Variants in MYH14 observed in about 807,000 individuals in gnomAD.
MYH14 encodes myosin heavy chain 14.
Under a neutral mutation model 255.5 loss-of-function variants are expected in MYH14, and 123 were observed. That is an observed-to-expected ratio of 0.48 (90% CI 0.42 to 0.56). MYH14 has a LOEUF of 0.56. MYH14 is among the 20% of genes least tolerant of loss of function. The pLI is 0.00. For missense variants in MYH14, 2,423 were observed against 2,802.3 expected, an observed-to-expected ratio of 0.86 and a Z score of 3.06; for synonymous variants, 1,095 against 1,161.2, an observed-to-expected ratio of 0.94 and a Z score of 1.16.
At chr19:50,249,965 C>G in intron 14 of MYH14, 142 bp downstream of exon 14, 2 of 1,045,914 alleles carry the variant, frequency 1.9e-6, no homozygotes, top group Non-Finnish European at 2.8e-6. Flanking sequence ...GCACCTGCTT[C>G]CTCGATCTTT....
intron 39 of MYH14, among the ~76,000 whole-genome samples, chr19:50,299,541 A>G (rs1358666723): frequency 7.5e-6 from 1 of 133,426 alleles, no homozygotes; most frequent in Non-Finnish European, 1.5e-5. Flanking sequence ...ACTGCACTCC[A>G]GCCTTGGTGA....
intron 10 of MYH14, among the ~76,000 whole-genome samples, chr19:50,243,920 C>G (rs1459166409): frequency 2.6e-5 from 4 of 152,028 alleles, no homozygotes; most frequent in Non-Finnish European, 5.9e-5. Flanking sequence ...ATAAACTCAA[C>G]CGGAATTCAC....
rs659773 is a variant in MYH14, at chr19:50,292,622, T to G, written c.5256+233T>G. Reference sequence around the variant, plus strand: ...GTGTAAGGCTCGGGAGGTGGGTGTGTCTTACCATGTGGCCTGCAATGCCAG... The same window carrying G: ...GTGTAAGGCTCGGGAGGTGGGTGTGGCTTACCATGTGGCCTGCAATGCCAG... On this transcript the variant is annotated intron_variant, in intron 37 of 42. Transcript: ENST00000642316. 0.19 allele frequency among the ~76,000 whole-genome samples: 26,622 copies of G among 143,654 alleles called. 3,185 individuals carry two copies. Among genetic ancestry groups the G allele is most frequent in the East Asian group, 0.36 (1,655 of 4,636 alleles). 94.2% of individuals were successfully genotyped at this position (143,654 alleles called of 152,430 possible).
intron 3 of MYH14, among the ~76,000 whole-genome samples, chr19:50,222,574 T>C (rs2032889731): frequency 6.6e-6 from 1 of 151,902 alleles, no homozygotes; most frequent in South Asian, 2.1e-4. Context: ...TAGGTTTCTG[T>C]CCCCTACATC....
chr19:50,271,952 C>T lies in MYH14; in HGVS notation c.3275C>T (p.Ala1092Val), dbSNP rs1204950002. The stretch of plus-strand genomic sequence containing the variant: ...AATAAGCTACGGCTCAAATATGAGG[C>T]CACAATCGCAGACATGGAGGGTGAG... ...SLNKLRLKYE[A>V]TIADMEDRLR... The change falls in exon 26 of 43, where the codon GCC (alanine) becomes GTC (valine). Residue 1092 changes from alanine (A) to valine (V), a missense_variant. Transcript: ENST00000642316. 5.6e-6 allele frequency: 9 copies of T among 1,610,392 alleles called. No homozygotes were observed. The highest frequency in any genetic ancestry group is 1.7e-5 in the Admixed American group (1 of 59,596).
At chr19:50,259,841 G>A (rs2034756693) in intron 19 of MYH14, among the ~76,000 whole-genome samples, 1 of 152,126 alleles carries the variant, frequency 6.6e-6, no homozygotes, top group Admixed American at 6.6e-5. Context: ...TTGCGCCATT[G>A]CACTCCAGCC....
At chr19:50,302,916 A>AT (rs1011514985) in intron 40 of MYH14, among the ~76,000 whole-genome samples, 1 of 152,154 alleles carries the variant, frequency 6.6e-6, no homozygotes, top group African/African-American at 2.4e-5. Flanking sequence ...AGAAAAAAAA[A>AT]GAAAAAGAAA....
intron 40 of MYH14, among the ~76,000 whole-genome samples, chr19:50,306,003 G>C (rs113422895): frequency 0.012 from 1,756 of 152,258 alleles, 36 homozygotes; most frequent in African/African-American, 0.039. Context: ...TCTCAGCCGG[G>C]CGCAGTGGCT....
chr19:50,220,250 G>A (rs1292380061), intron 3 of MYH14, among the ~76,000 whole-genome samples: 2 of 151,366 alleles, frequency 1.3e-5, no homozygotes, highest in Non-Finnish European at 2.9e-5. Context: ...TATTGAATAT[G>A]CATATTAAAT....
chr19:50,296,779 C>T (rs2036281496), intron 39 of MYH14, among the ~76,000 whole-genome samples: 1 of 152,210 alleles, frequency 6.6e-6, no homozygotes, highest in South Asian at 2.1e-4. Context: ...CGTGAAGAGC[C>T]TCGCGCTGGC....
chr19:50,293,698 T>C lies in MYH14; in HGVS notation c.5469+11T>C, dbSNP rs1355230285. On this transcript the variant is annotated intron_variant, in intron 39 of 42. Transcript: ENST00000642316. The surrounding 1 kb of genome is among the most constrained non-coding windows in gnomAD (Gnocchi z 4.1). The stretch of plus-strand genomic sequence containing the variant: ...AAGCTGCTCCTGCAGGTGAGCGTGA[T>C]TGACCGCCCCCACCAGCCTCAGTCC... The C allele has an allele frequency of 7.7e-6, 12 of 1,557,078 alleles. No homozygotes were observed. The highest frequency in any genetic ancestry group is 5.4e-5 in the African/African-American group (4 of 73,536).
chr19:50,273,601 G>GTGTGTGTGTGTGTGTGTGT (rs1555772397), intron 27 of MYH14, among the ~76,000 whole-genome samples: 296 of 137,568 alleles, frequency 2.2e-3, no homozygotes, highest in Middle Eastern at 3.8e-3. Context: ...GAACATGGGG[G>GTGTGTGTGTGTGTGTGTGT]GTGTGTGTGT....
intron 14 of MYH14, 112 bp downstream of exon 14, chr19:50,249,935 G>T (rs539674394): frequency 7.5e-7 from 1 of 1,333,970 alleles, no homozygotes; most frequent in South Asian, 1.3e-5. Flanking sequence ...TGCCCCATGG[G>T]TTCTGTGGGG....
At position 50,210,911 on chromosome 19, in the gene MYH14, A is replaced by G. The variant is rs1303877638; in HGVS notation, c.405+141A>G. The G allele has an allele frequency of 2.9e-6, 4 of 1,385,482 alleles. No individual in the cohort carries two copies. In the East Asian group the frequency reaches 1.1e-4, roughly 38 times the overall value. The allele number at this position is 1,385,482 out of a possible 1,614,324, so 85.8% of individuals were successfully genotyped here. On this transcript the variant is annotated intron_variant, in intron 2 of 42. Coordinates refer to ENST00000642316, the MANE Select transcript of MYH14 (RefSeq NM_001145809.2). Reference sequence around the variant, plus strand: ...GTCCCGTGACTGTTCCTACACTTACATGGTTGCCAAATTATGAATTGTTGG... The same window carrying G: ...GTCCCGTGACTGTTCCTACACTTACGTGGTTGCCAAATTATGAATTGTTGG...
chr19:50,212,746 G>A (rs2032265210), intron 2 of MYH14, among the ~76,000 whole-genome samples: 1 of 152,138 alleles, frequency 6.6e-6, no homozygotes, highest in East Asian at 1.9e-4. Context: ...AGCTTGTGGT[G>A]GCAGGTGTGG....
At position 50,217,746 on chromosome 19, in the gene MYH14, G is replaced by C; in HGVS notation, c.537G>C (p.Glu179Asp). 1 of 1,613,846 alleles carries C rather than the reference G, an allele frequency of 6.2e-7. No individual in the cohort carries two copies. The stretch of plus-strand genomic sequence containing the variant: ...CACCCCACGTGTACGCAGTGACCGA[G>C]GGGGCCTATCGGAGCATGCTGCAGG... ...EVPPHVYAVT[E>D]GAYRSMLQDR... Residue 179 changes from glutamate to aspartate, a missense_variant, in exon 3 of 43, where the codon GAG (glutamate) becomes GAC (aspartate). Physicochemically the swap from Glu to Asp is conservative, Grantham distance 45. Coordinates refer to ENST00000642316, the MANE Select transcript of MYH14 (RefSeq NM_001145809.2).
Position 50,230,747 on chromosome 19 carries a change from A to T in MYH14, c.973+124A>T, listed in dbSNP as rs117528736. 2.6e-6 allele frequency: 2 copies of T among 761,820 alleles called. No homozygotes were observed. Among genetic ancestry groups the T allele is most frequent in the Non-Finnish European group, 4.3e-6 (2 of 465,248 alleles). 47.2% of individuals were successfully genotyped at this position (761,820 alleles called of 1,614,324 possible). ...AATATCCGTCAAACACCGACTTCGC[A>T]TGAGGCTCCCGCAGCCCCTGCTCTC... On this transcript the variant is annotated intron_variant, in intron 9 of 42. Transcript: ENST00000642316. The surrounding 1 kb of genome is among the most constrained non-coding windows in gnomAD (Gnocchi z 4.7).
intron 3 of MYH14, among the ~76,000 whole-genome samples, chr19:50,218,273 C>A (rs1432707458): frequency 6.6e-6 from 1 of 152,082 alleles, no homozygotes; most frequent in African/African-American, 2.4e-5. Context: ...AGCCACCATG[C>A]CTGGCCTCTT....
chr19:50,301,775 G>A lies in MYH14; in HGVS notation c.5584G>A (p.Glu1862Lys), dbSNP rs767226105. ...IQELRGRLGE[E>K]DAGARARHKM... is the part of the protein sequence containing the mutation. ...GGAGCTACGGGGACGCCTGGGTGAG[G>A]AGGATGCTGGGGCCCGTGCCCGCCA... Residue 1862 changes from glutamate (E) to lysine (K), a missense_variant, in exon 40 of 43, where the codon GAG (glutamate) becomes AAG (lysine). Coordinates refer to ENST00000642316, the MANE Select transcript of MYH14 (RefSeq NM_001145809.2). The A allele has an allele frequency of 3.1e-6, 5 of 1,613,908 alleles. No homozygotes were observed. The highest frequency in any genetic ancestry group is 4.2e-6 in the Non-Finnish European group (5 of 1,179,886).
Sources: allele counts gnomAD v4.1 joint callset (sites outside exome capture counted in the v4.1 genomes callset), GRCh38; gene constraint gnomAD v4.1.1; non-coding constraint Gnocchi (gnomAD v3.1); transcripts MANE v1.5; gene names NCBI Gene and HGNC (gene_info 2026-07-23, HGNC 2026-07-21).